Variants in TNFRSF8 observed in about 807,000 individuals in gnomAD.
TNFRSF8 encodes TNF receptor superfamily member 8.
In TNFRSF8, 26 loss-of-function variants were observed where a neutral mutation model predicts 70.8. That is an observed-to-expected ratio of 0.37 (90% CI 0.27 to 0.51). The LOEUF (loss-of-function observed/expected upper bound fraction) is 0.51. Among genes scored for constraint, TNFRSF8 ranks in the 20% least tolerant of loss-of-function variants. TNFRSF8 has a pLI of 0.94. For synonymous variants in TNFRSF8, 356 were observed against 339.2 expected (o/e 1.05, Z -0.54); for missense variants, 720 against 807.9 (o/e 0.89, Z 1.32).
At chr1:12,089,761 G>A (rs1013694222) in intron 2 of TNFRSF8, among the ~76,000 whole-genome samples, 16 of 152,076 alleles carry the variant, frequency 1.1e-4, no homozygotes, top group Non-Finnish European at 1.2e-4. Context: ...AAGAATGGGA[G>A]CTTACAGTGA....
At chr1:12,094,934 G>A (rs1368517901) in intron 2 of TNFRSF8, among the ~76,000 whole-genome samples, 1 of 151,778 alleles carries the variant, frequency 6.6e-6, no homozygotes, top group African/African-American at 2.4e-5. Context: ...CTCGAAGCTA[G>A]TATTTTTGAG....
rs148669670 is a variant in TNFRSF8 at position 12,138,146 on chromosome 1, GA to G, written c.1336-73del. 9,183 of 1,050,936 alleles carry G rather than the reference GA, an allele frequency of 8.7e-3. 1 individual carries two copies. Among genetic ancestry groups the G allele is most frequent in the Admixed American group, 0.011 (411 of 36,386 alleles). The allele number at this position is 1,050,936 out of a possible 1,614,324, so 65.1% of individuals were successfully genotyped here. ...GGGACTCACTGGGGTCTGTAGAGAT[GA>G]AAAAAAAAAGGGGCCTCCCAGTTCA... On this transcript the variant is annotated intron_variant, in intron 13 of 14. Transcript: ENST00000263932. The surrounding 1 kb of genome is among the most constrained non-coding windows in gnomAD (Gnocchi z 5.7).
At chr1:12,107,110 A>G (rs1172539898) in intron 4 of TNFRSF8, among the ~76,000 whole-genome samples, 2 of 150,878 alleles carry the variant, frequency 1.3e-5, no homozygotes, top group Non-Finnish European at 2.9e-5. Flanking sequence ...AAATGCAGCT[A>G]GGGGCCGGGT....
At chr1:12,111,294 G>A (rs939426371) in intron 6 of TNFRSF8, among the ~76,000 whole-genome samples, 4 of 151,996 alleles carry the variant, frequency 2.6e-5, no homozygotes, top group Admixed American at 1.3e-4. Flanking sequence ...CAATTCTCCT[G>A]CCTCAGCCTC....
chr1:12,123,245 C>T, intron 8 of TNFRSF8, 39 bp from the exon 9 acceptor site: 1 of 1,574,868 alleles, frequency 6.3e-7, no homozygotes, highest in Non-Finnish European at 8.7e-7. Context: ...ACACCAGCCT[C>T]CTTGGCGCTG....
intron 2 of TNFRSF8, among the ~76,000 whole-genome samples, chr1:12,095,941 C>G (rs59934806): frequency 1.1e-3 from 168 of 152,360 alleles, no homozygotes; most frequent in African/African-American, 3.9e-3. Context: ...CCTGCCCACA[C>G]CATGCCCACG....
Position 12,110,091 on chromosome 1 carries a change from G to C in TNFRSF8, c.563G>C (p.Ser188Thr). Reference sequence around the variant, plus strand: ...ACCCCGGTGTCCCCAGCAACCTCCAGTGCCAGCACCATGCCTGTAAGAGGG... The same window carrying C: ...ACCCCGGTGTCCCCAGCAACCTCCACTGCCAGCACCATGCCTGTAAGAGGG... ...KPTPVSPATS[S>T]ASTMPVRGGT... is the part of the protein sequence containing the mutation. Residue 188 changes from serine to threonine, a missense_variant, in exon 6 of 15, where the codon AGT becomes ACT. By Grantham distance (58) the Ser-to-Thr change is moderately conservative. Coordinates refer to ENST00000263932, the MANE Select transcript of TNFRSF8 (RefSeq NM_001243.5). This position sits in a 1 kb window ranked among gnomAD's most constrained non-coding sequence, Gnocchi z 4.0. The C allele has an allele frequency of 6.2e-7, 1 of 1,613,592 alleles. No homozygotes were observed. The highest frequency in any genetic ancestry group is 8.5e-7 in the Non-Finnish European group (1 of 1,179,812).
In TNFRSF8 at chr1:12,088,056, A is replaced by T. The variant is rs1641185487; in HGVS notation, c.151+3505A>T. Among the ~76,000 whole-genome samples, 1 of 152,006 alleles carries T rather than the reference A, an allele frequency of 6.6e-6. No individual in the cohort carries two copies. The highest frequency in any genetic ancestry group is 2.4e-5 in the African/African-American group (1 of 41,372). Reference sequence around the variant, plus strand: ...ATTTTGCCTGCCCTGTGCAGCCAGCACTCAGCTGTGTGGCCGGGTTTGCTT... The same window carrying T: ...ATTTTGCCTGCCCTGTGCAGCCAGCTCTCAGCTGTGTGGCCGGGTTTGCTT... On this transcript the variant is annotated intron_variant, in intron 2 of 14. Coordinates refer to ENST00000263932, the MANE Select transcript of TNFRSF8 (RefSeq NM_001243.5). This position sits in a 1 kb window ranked among gnomAD's most constrained non-coding sequence, Gnocchi z 4.0.
At chr1:12,129,947 C>T (rs1301918794) in intron 12 of TNFRSF8, among the ~76,000 whole-genome samples, 1 of 152,180 alleles carries the variant, frequency 6.6e-6, no homozygotes, top group Non-Finnish European at 1.5e-5. Context: ...CTCTGTCACC[C>T]AGGCTGGAGT....
rs553868246 is a variant in TNFRSF8 at position 12,141,885 on chromosome 1, C to T, written c.1544-402C>T. 4.3e-4 allele frequency among the ~76,000 whole-genome samples: 66 copies of T among 152,276 alleles called. 1 individual carries two copies. The South Asian group carries it at 8.9e-3, about 21-fold the overall frequency. On this transcript the variant is annotated intron_variant, in intron 14 of 14. Transcript: ENST00000263932. This position sits in a 1 kb window ranked among gnomAD's most constrained non-coding sequence, Gnocchi z 5.4. Reference sequence around the variant, plus strand: ...TGTAAATGGGAATCTTGATGGGGTCCGCCTTGCAGGAGGGCTGGGGACCCA... The same window carrying T: ...TGTAAATGGGAATCTTGATGGGGTCTGCCTTGCAGGAGGGCTGGGGACCCA...
rs1435997274 is a variant in TNFRSF8, at chr1:12,109,685, TC to T, written c.512+34del. 6.3e-7 allele frequency: 1 copy of T among 1,591,516 alleles called. No homozygotes were observed. On this transcript the variant is annotated intron_variant, in intron 5 of 14. Coordinates refer to ENST00000263932, the MANE Select transcript of TNFRSF8 (RefSeq NM_001243.5). This position sits in a 1 kb window ranked among gnomAD's most constrained non-coding sequence, Gnocchi z 4.4. ...ACTCCCTGGCTTTGCCTCCTCCTCT[TC>T]CCCCAAGCTGGCTTTCAGATGAGGC...
rs895779428 is a variant in TNFRSF8, at chr1:12,088,568, C to T, written c.151+4017C>T. On this transcript the variant is annotated intron_variant, in intron 2 of 14. Coordinates refer to ENST00000263932, the MANE Select transcript of TNFRSF8 (RefSeq NM_001243.5). The surrounding 1 kb of genome is among the most constrained non-coding windows in gnomAD (Gnocchi z 4.0). ...CGGGGGCTACAAAGCCCTTCCTGTT[C>T]TCCATCTTCCTGGACTACCCTCTCT... 1.3e-5 allele frequency among the ~76,000 whole-genome samples: 2 copies of T among 152,212 alleles called. No individual in the cohort carries two copies. The highest frequency in any genetic ancestry group is 2.9e-5 in the Non-Finnish European group (2 of 68,046).
chr1:12,068,219 C>A (rs966814935), intron 1 of TNFRSF8, among the ~76,000 whole-genome samples: 1 of 152,148 alleles, frequency 6.6e-6, no homozygotes, highest in African/African-American at 2.4e-5. Flanking sequence ...CTGTGTCTGG[C>A]CCGGGGGAGT....
At chr1:12,077,262 T>C (rs892199231) in intron 1 of TNFRSF8, among the ~76,000 whole-genome samples, 11 of 152,150 alleles carry the variant, frequency 7.2e-5, no homozygotes, top group African/African-American at 2.7e-4. Flanking sequence ...CCTGATACTA[T>C]GGATCTTGAG....
intron 1 of TNFRSF8, among the ~76,000 whole-genome samples, chr1:12,072,054 T>C (rs1485040567): frequency 1.3e-5 from 2 of 152,174 alleles, no homozygotes; most frequent in Non-Finnish European, 2.9e-5. Flanking sequence ...GGTTATCCCT[T>C]GCTTCTGACA....
chr1:12,121,096 C>T (rs1641821620), intron 8 of TNFRSF8, among the ~76,000 whole-genome samples: 1 of 152,164 alleles, frequency 6.6e-6, no homozygotes, highest in African/African-American at 2.4e-5. Flanking sequence ...CCAGTCCACT[C>T]AAAGTAAGTG....
intron 13 of TNFRSF8, among the ~76,000 whole-genome samples, chr1:12,136,830 C>T (rs944669892): frequency 1.3e-5 from 2 of 149,354 alleles, no homozygotes; most frequent in Non-Finnish European, 3.0e-5. Context: ...TCTGGAGTGA[C>T]ACCACACTCT....
chr1:12,142,679 G>A lies in TNFRSF8; in HGVS notation c.*148G>A, dbSNP rs1312794009. On this transcript the variant is annotated 3_prime_UTR_variant, in exon 15 of 15. Transcript: ENST00000263932. The surrounding 1 kb of genome is among the most constrained non-coding windows in gnomAD (Gnocchi z 5.0). ...GTGGTGGACCGGCCGGTCACTGCAG[G>A]GGTCTGGTGGTCTCTGCTTGCATCC... is the stretch of plus-strand genomic sequence containing the variant. 3 of 1,094,176 alleles carry A rather than the reference G, an allele frequency of 2.7e-6. No individual in the cohort carries two copies. The highest frequency in any genetic ancestry group is 3.8e-6 in the Non-Finnish European group (3 of 786,480). 67.8% of individuals were successfully genotyped at this position (1,094,176 alleles called of 1,614,324 possible).
intron 8 of TNFRSF8, among the ~76,000 whole-genome samples, chr1:12,118,277 AT>A (rs1300438351): frequency 6.6e-6 from 1 of 151,944 alleles, no homozygotes; most frequent in African/African-American, 2.4e-5. Flanking sequence ...CACCCGGCTA[AT>A]TTTTGTATTT....
Sources: allele counts gnomAD v4.1 joint callset (sites outside exome capture counted in the v4.1 genomes callset), GRCh38; gene constraint gnomAD v4.1.1; non-coding constraint Gnocchi (gnomAD v3.1); transcripts MANE v1.5; gene names NCBI Gene and HGNC (gene_info 2026-07-23, HGNC 2026-07-21).